The following BRSK2 variants were observed in gnomAD, a reference collection of about 807,000 sequenced individuals.
BRSK2 encodes serine/threonine-protein kinase BRSK2.
Under a neutral mutation model 83.3 loss-of-function variants are expected in BRSK2, and 19 were observed. The ratio of observed to expected loss-of-function variants is 0.23; its 90% CI spans 0.16 to 0.33. BRSK2 has a LOEUF of 0.33. Among genes scored for constraint, BRSK2 ranks in the 10% least tolerant of loss-of-function variants. The pLI is 1.00. For synonymous variants in BRSK2, 519 were observed against 435.4 expected, an observed-to-expected ratio of 1.19 and a Z score of -2.39; for missense variants, 798 against 1,042.3, an observed-to-expected ratio of 0.77 and a Z score of 3.23.
rs553762031 is a variant in BRSK2 at position 1,454,247 on chromosome 11, G to A, written c.1545-238G>A. On this transcript the variant is annotated intron_variant, in intron 15 of 19. Transcript: ENST00000528841. This position sits in a 1 kb window ranked among gnomAD's most constrained non-coding sequence, Gnocchi z 5.2. ...ATATGGGCCAGGGTCAGGGCGTTAG[G>A]GCTTGGAGAAAGGTTAGGGTTGGGG... 1.1e-4 allele frequency: 52 copies of A among 457,492 alleles called. No homozygotes were observed. The highest frequency in any genetic ancestry group is 9.7e-4 in the African/African-American group (49 of 50,400). 28.3% of individuals were successfully genotyped at this position (457,492 alleles called of 1,614,324 possible).
chr11:1,405,972 C>A (rs1420323876), intron 1 of BRSK2, among the ~76,000 whole-genome samples: 2 of 152,084 alleles, frequency 1.3e-5, no homozygotes, highest in African/African-American at 4.8e-5. Context: ...CTTCCCAGAC[C>A]CCCACAAGCC....
intron 8 of BRSK2, 152 bp from the exon 9 acceptor site, chr11:1,444,819 C>G (rs921088572): frequency 1.2e-5 from 9 of 727,240 alleles, no homozygotes; most frequent in Admixed American, 3.9e-5. Flanking sequence ...AGCCCCCTCC[C>G]TATCTTCCTC....
chr11:1,459,075 G>C (rs1847044381), intron 18 of BRSK2, 117 bp from the exon 19 acceptor site: 1 of 1,001,782 alleles, frequency 1.0e-6, no homozygotes. Flanking sequence ...CATGCCTCTG[G>C]GGCCCTACCC....
chr11:1,421,539 G>A (rs536894974), intron 1 of BRSK2, among the ~76,000 whole-genome samples: 2 of 152,338 alleles, frequency 1.3e-5, no homozygotes, highest in Non-Finnish European at 2.9e-5. Flanking sequence ...TTTAACTAGA[G>A]AGGTTCTTTT....
At chr11:1,457,041 C>T (rs751709739) in intron 18 of BRSK2, 11 of 1,588,570 alleles carry the variant, frequency 6.9e-6, no homozygotes, top group Admixed American at 6.8e-5. Flanking sequence ...TAGCCTCTGA[C>T]GCTGGCAGGT....
chr11:1,444,175 G>C (rs990480519), intron 8 of BRSK2, among the ~76,000 whole-genome samples: 1 of 152,132 alleles, frequency 6.6e-6, no homozygotes, highest in Non-Finnish European at 1.5e-5. Context: ...CGGCCATCCT[G>C]CCTCCAGACG....
Position 1,454,340 on chromosome 11 carries a change from T to C in BRSK2, c.1545-145T>C. The C allele has an allele frequency of 1.0e-6, 1 of 970,992 alleles. No homozygotes were observed. Among genetic ancestry groups the C allele is most frequent in the Non-Finnish European group, 1.6e-6 (1 of 639,936 alleles). The allele number at this position is 970,992 out of a possible 1,614,324, so 60.1% of individuals were successfully genotyped here. ...GGTTAGGGCGTTGGGGTCAGGGCCA[T>C]GGGTTCTGGCTAGCACTGTGGAGAC... is the stretch of plus-strand genomic sequence containing the variant. On this transcript the variant is annotated intron_variant, in intron 15 of 19. Coordinates refer to ENST00000528841, the MANE Select transcript of BRSK2 (RefSeq NM_001256627.2). The surrounding 1 kb of genome is among the most constrained non-coding windows in gnomAD (Gnocchi z 5.2).
intron 13 of BRSK2, 43 bp downstream of exon 13, chr11:1,449,879 C>T (rs1321822546): frequency 2.0e-6 from 3 of 1,465,748 alleles, no homozygotes; most frequent in Non-Finnish European, 2.9e-6. Flanking sequence ...TGCACAGAGG[C>T]CCCAACCCTC....
intron 2 of BRSK2, among the ~76,000 whole-genome samples, chr11:1,437,667 C>T (rs1590529592): frequency 6.6e-6 from 1 of 152,238 alleles, no homozygotes; most frequent in South Asian, 2.1e-4. Context: ...ATGCCTGCCC[C>T]CACCTCATGG....
chr11:1,438,368 C>T lies in BRSK2; in HGVS notation c.249C>T (p.Asp83=), dbSNP rs530349423. The T allele has an allele frequency of 9.3e-6, 15 of 1,614,032 alleles. No homozygotes were observed. Among genetic ancestry groups the T allele is most frequent in the African/African-American group, 4.0e-5 (3 of 75,044 alleles). The change falls in exon 3 of 20, where the codon GAC becomes GAT. Residue 83 remains aspartate (D), a synonymous_variant. Coordinates refer to ENST00000528841, the MANE Select transcript of BRSK2 (RefSeq NM_001256627.2). The surrounding 1 kb of genome is among the most constrained non-coding windows in gnomAD (Gnocchi z 6.4). ...ACCCCCACGTCCTAAAGCTGCACGACGTTTATGAAAACAAAAAATATTTGT... is the reference window on the plus strand; with the variant it reads ...ACCCCCACGTCCTAAAGCTGCACGATGTTTATGAAAACAAAAAATATTTGT... ...IEHPHVLKLH[D]VYENKKYLYL...
At chr11:1,448,470 C>T (rs1400984938) in intron 12 of BRSK2, among the ~76,000 whole-genome samples, 1 of 152,208 alleles carries the variant, frequency 6.6e-6, no homozygotes, top group Non-Finnish European at 1.5e-5. Context: ...TCTCTCCTGC[C>T]CCTGCCCCAG....
intron 1 of BRSK2, among the ~76,000 whole-genome samples, chr11:1,425,798 C>T (rs771927672): frequency 2.0e-5 from 3 of 152,192 alleles, no homozygotes; most frequent in Admixed American, 1.3e-4. Context: ...GACAGGGTCC[C>T]CAGGTGGCAC....
At chr11:1,448,104 C>T (rs912495729) in intron 12 of BRSK2, among the ~76,000 whole-genome samples, 5 of 152,194 alleles carry the variant, frequency 3.3e-5, no homozygotes, top group Non-Finnish European at 7.4e-5. Flanking sequence ...GCTTACAGGG[C>T]CTGGGGCTAG....
At chr11:1,406,972 C>T (rs962724093) in intron 1 of BRSK2, among the ~76,000 whole-genome samples, 6 of 152,134 alleles carry the variant, frequency 3.9e-5, no homozygotes, top group Non-Finnish European at 7.4e-5. Context: ...TGCGTGCAAA[C>T]GTGTGTGCGC....
At position 1,451,228 on chromosome 11, in the gene BRSK2, G is replaced by C. The variant is rs149224809; in HGVS notation, c.1496-143G>C. On this transcript the variant is annotated intron_variant, in intron 14 of 19. Transcript: ENST00000528841. ...GGGCCTCTAAGGTGGCCGGGAGCTG[G>C]GGTGGACCAGTGCCCCTGGGGGGGC... is the stretch of plus-strand genomic sequence containing the variant. 7,204 of 922,928 alleles carry C rather than the reference G, an allele frequency of 7.8e-3. 52 individuals carry two copies. Among genetic ancestry groups the C allele is most frequent in the Non-Finnish European group, 9.9e-3 (5,997 of 606,132 alleles). 57.2% of individuals were successfully genotyped at this position (922,928 alleles called of 1,614,324 possible). A position where few individuals can be genotyped will look rare whatever the true frequency, so the allele number is the denominator to read the frequency against.
chr11:1,404,757 C>T (rs1590331301), intron 1 of BRSK2, among the ~76,000 whole-genome samples: 2 of 152,214 alleles, frequency 1.3e-5, no homozygotes, highest in African/African-American at 2.4e-5. Flanking sequence ...GCAAGCCGCC[C>T]GCTACCCACT....
chr11:1,396,306 A>G (rs1358076519), intron 1 of BRSK2, among the ~76,000 whole-genome samples: 1 of 143,264 alleles, frequency 7.0e-6, no homozygotes, highest in African/African-American at 2.6e-5. Flanking sequence ...CTTCCCTTAC[A>G]GCCGCCTCGA....
chr11:1,420,133 C>T (rs1002221945), intron 1 of BRSK2, among the ~76,000 whole-genome samples: 7 of 152,212 alleles, frequency 4.6e-5, no homozygotes, highest in African/African-American at 7.2e-5. Flanking sequence ...GCTCGGTGTC[C>T]GTGCATGCAT....
chr11:1,397,606 C>G (rs553371936), intron 1 of BRSK2, among the ~76,000 whole-genome samples: 1 of 152,162 alleles, frequency 6.6e-6, no homozygotes, highest in Non-Finnish European at 1.5e-5. Context: ...GCTTCCTCCC[C>G]GAACCCTGGA....
Sources: gnomAD v4.1 joint callset for allele counts (sites outside exome capture counted in the v4.1 genomes callset) on GRCh38, gnomAD v4.1.1 for gene constraint, Gnocchi (gnomAD v3.1) non-coding constraint, MANE v1.5 for transcripts, NCBI Gene and HGNC (gene_info 2026-07-23, HGNC 2026-07-21) for gene names.